The following FAM120C variants were observed in gnomAD, a reference collection of about 807,000 sequenced individuals.
FAM120C encodes constitutive coactivator of PPAR-gamma-like protein 2.
In FAM120C, 14 loss-of-function variants were observed where a neutral mutation model predicts 71.2. The ratio of observed to expected loss-of-function variants is 0.20; its 90% CI spans 0.13 to 0.31. The LOEUF is 0.31. FAM120C is among the 10% of genes least tolerant of loss of function. FAM120C has a pLI of 1.00. For synonymous variants in FAM120C, 354 were observed against 353.2 expected, an observed-to-expected ratio of 1.00 and a Z score of -0.03; for missense variants, 500 against 879.0, an observed-to-expected ratio of 0.57 and a Z score of 5.45.
At chrX:54,129,219 C>T (rs1478374080) in intron 9 of FAM120C, among the ~76,000 whole-genome samples, 133 of 109,317 alleles carry the variant, frequency 1.2e-3, no homozygotes, top group African/African-American at 4.1e-3. Flanking sequence ...TCCTCACTTC[C>T]CAGACGGGGT....
At chrX:54,176,997 G>C (rs1484067219) in intron 1 of FAM120C, among the ~76,000 whole-genome samples, 8 of 111,679 alleles carry the variant, frequency 7.2e-5, no homozygotes, top group Non-Finnish European at 1.5e-4. Flanking sequence ...GATAACTTTT[G>C]AGCAGGAATA....
chrX:54,130,191 G>C (rs1265695614), intron 9 of FAM120C, among the ~76,000 whole-genome samples: 1 of 109,192 alleles, frequency 9.2e-6, no homozygotes, highest in Non-Finnish European at 1.9e-5. Flanking sequence ...GGGGTTATTT[G>C]CTTTTTTCTT....
At chrX:54,113,695 T>C (rs1427397397) in intron 10 of FAM120C, among the ~76,000 whole-genome samples, 1 of 109,214 alleles carries the variant, frequency 9.2e-6, no homozygotes, top group African/African-American at 3.3e-5. Context: ...GCAGATCACC[T>C]GAGGTTAGGA....
intron 4 of FAM120C, among the ~76,000 whole-genome samples, chrX:54,137,790 A>G (rs1156544049): frequency 1.8e-5 from 2 of 112,076 alleles, no homozygotes; most frequent in Non-Finnish European, 3.8e-5. Context: ...GTAAAAGACT[A>G]TCAATATCAA....
intron 9 of FAM120C, among the ~76,000 whole-genome samples, chrX:54,129,990 G>A (rs2067056048): frequency 9.5e-6 from 1 of 105,780 alleles, no homozygotes; most frequent in Admixed American, 1.0e-4. Flanking sequence ...GCTTCGGCTC[G>A]GCATCAGAGG....
chrX:54,114,613 A>G (rs1360017123), intron 10 of FAM120C, among the ~76,000 whole-genome samples: 1 of 110,055 alleles, frequency 9.1e-6, no homozygotes, highest in African/African-American at 3.3e-5. Context: ...TAATTTTTGT[A>G]TTTTTAGTAG....
chrX:54,132,787 G>A lies in FAM120C; in HGVS notation c.1967C>T (p.Ser656Leu). ...AACTCCATATACATATTGACGAGCTGACCGGAATAAGAGAGCAGCTGGAGG... is the reference window on the plus strand; with the variant it reads ...AACTCCATATACATATTGACGAGCTAACCGGAATAAGAGAGCAGCTGGAGG... ...ELPPAALLFR[S>L]ARQYVYGVLF... Residue 656 changes from serine (S) to leucine (L), a missense_variant, in exon 9 of 16, where the codon TCA (serine) becomes TTA (leucine). Transcript: ENST00000375180. 8.3e-7 allele frequency: 1 copy of A among 1,209,781 alleles called. No individual in the cohort carries two copies.
At chrX:54,136,773 G>A (rs1163185749) in intron 4 of FAM120C, among the ~76,000 whole-genome samples, 183 bp from the exon 5 acceptor site, 1 of 109,840 alleles carries the variant, frequency 9.1e-6, no homozygotes, top group Non-Finnish European at 1.9e-5. Flanking sequence ...ATCAAATATG[G>A]AATACTTAAA....
At chrX:54,159,707 G>C in intron 1 of FAM120C, 91 bp from the exon 2 acceptor site, 1 of 964,762 alleles carries the variant, frequency 1.0e-6, no homozygotes, top group Non-Finnish European at 1.4e-6. Context: ...TTTATAGTTT[G>C]GTGAAATTTG....
In FAM120C at chrX:54,091,407, C is replaced by G; in HGVS notation, c.2332G>C (p.Gly778Arg). The change falls in exon 11 of 16, where the codon GGT becomes CGT. Residue 778 changes from glycine (G) to arginine (R), a missense_variant. Physicochemically the swap from Gly to Arg is moderately radical, Grantham distance 125. Coordinates refer to ENST00000375180, the MANE Select transcript of FAM120C (RefSeq NM_017848.6). The stretch of plus-strand genomic sequence containing the variant: ...TCATGGCGATGCAGGATTCGGCCAC[C>G]AGGCCACTGAACCATGTACCTAGAA... ...CVLRYMVQWP[G>R]GRILHRHELD... 1 of 1,205,586 alleles carries G rather than the reference C, an allele frequency of 8.3e-7. No homozygotes were observed. Among genetic ancestry groups the G allele is most frequent in the African/African-American group, 1.7e-5 (1 of 57,776 alleles).
chrX:54,073,889 G>C (rs974345420), intron 15 of FAM120C, among the ~76,000 whole-genome samples: 1 of 110,256 alleles, frequency 9.1e-6, no homozygotes, highest in African/African-American at 3.3e-5. Flanking sequence ...GGAGTGCTGC[G>C]ATCCTGGCTC....
At chrX:54,143,731 G>C (rs1020753715) in intron 4 of FAM120C, among the ~76,000 whole-genome samples, 3 of 111,740 alleles carry the variant, frequency 2.7e-5, no homozygotes, top group African/African-American at 9.8e-5. Context: ...AATTCTACCA[G>C]AGGTATAAGG....
chrX:54,091,574 A>G (rs1214653334), intron 10 of FAM120C, 148 bp from the exon 11 acceptor site: 1 of 424,685 alleles, frequency 2.4e-6, no homozygotes, highest in African/African-American at 2.5e-5. Context: ...CTCTGCTTTC[A>G]TTACTTCCAG....
At chrX:54,166,144 A>T (rs2067258359) in intron 1 of FAM120C, among the ~76,000 whole-genome samples, 1 of 111,810 alleles carries the variant, frequency 8.9e-6, no homozygotes, top group Non-Finnish European at 1.9e-5. Context: ...ACAGATTTTA[A>T]GCATATAAAA....
chrX:54,106,336 T>C (rs1013633058), intron 10 of FAM120C, among the ~76,000 whole-genome samples: 24 of 111,613 alleles, frequency 2.2e-4, no homozygotes, highest in African/African-American at 6.8e-4. Flanking sequence ...ATAAATGGTG[T>C]TGGGAAAACT....
intron 1 of FAM120C, among the ~76,000 whole-genome samples, chrX:54,176,008 T>G (rs1296176257): frequency 8.9e-6 from 1 of 112,380 alleles, no homozygotes; most frequent in Non-Finnish European, 1.9e-5. Flanking sequence ...TGAGATATGT[T>G]AAAGATGAAG....
chrX:54,126,195 A>G (rs2067026312), intron 9 of FAM120C, among the ~76,000 whole-genome samples: 1 of 111,851 alleles, frequency 8.9e-6, no homozygotes, highest in South Asian at 3.7e-4. Flanking sequence ...TATGCCTTCT[A>G]TTTCATTTTC....
At chrX:54,159,760 ACT>A in intron 1 of FAM120C, 144 bp from the exon 2 acceptor site, 3 of 475,426 alleles carry the variant, frequency 6.3e-6, no homozygotes, top group Non-Finnish European at 9.0e-6. Context: ...AACATTTTTT[ACT>A]TTTTTTTTTT....
chrX:54,078,006 C>T (rs977717594), intron 15 of FAM120C, among the ~76,000 whole-genome samples: 4 of 92,364 alleles, frequency 4.3e-5, no homozygotes, highest in African/African-American at 1.6e-4. Context: ...TGCAGTGGCG[C>T]GATCTCGGCT....
Sources: gnomAD v4.1 joint callset for allele counts (sites outside exome capture counted in the v4.1 genomes callset) on GRCh38, gnomAD v4.1.1 for gene constraint, MANE v1.5 for transcripts, NCBI Gene and HGNC (gene_info 2026-07-23, HGNC 2026-07-21) for gene names.